The following GLI3 variants were observed in gnomAD, a reference collection of about 807,000 sequenced individuals.
GLI3 encodes the protein GLI family zinc finger 3.
A neutral mutation model predicts 100.8 loss-of-function variants in GLI3; 20 were observed. The ratio of observed to expected loss-of-function variants is 0.20; its 90% CI spans 0.14 to 0.29. The LOEUF is 0.29. Among genes scored for constraint, GLI3 ranks in the 10% least tolerant of loss-of-function variants. GLI3 has a pLI of 1.00. For missense variants in GLI3, 2,040 were observed against 2,128.5 expected, an observed-to-expected ratio of 0.96 and a Z score of 0.82; for synonymous variants, 938 against 860.5, an observed-to-expected ratio of 1.09 and a Z score of -1.58.
In GLI3 at chr7:42,092,016, G is replaced by A. The variant is rs565097896; in HGVS notation, c.368-15159C>T. Among the ~76,000 whole-genome samples the A allele has an allele frequency of 9.3e-4, 141 of 152,358 alleles. 1 individual carries two copies. The highest frequency in any genetic ancestry group is 3.2e-3 in the African/African-American group (134 of 41,594). ...CTGGGCCTCGAAACCCTCTGCCTGGGAAGCAGGGCCAGTGGCGGCCCAGGC... is the reference window on the plus strand; with the variant it reads ...CTGGGCCTCGAAACCCTCTGCCTGGAAAGCAGGGCCAGTGGCGGCCCAGGC... On this transcript the variant is annotated intron_variant, in intron 3 of 14. Coordinates refer to ENST00000395925, the MANE Select transcript of GLI3 (RefSeq NM_000168.6).
chr7:42,083,634 CATGAT>C (rs1472266247), intron 3 of GLI3, among the ~76,000 whole-genome samples: 8 of 151,996 alleles, frequency 5.3e-5, no homozygotes, highest in African/African-American at 1.9e-4. Context: ...TCCAGTGTAC[CATGAT>C]AAAGTAATTT....
intron 2 of GLI3, among the ~76,000 whole-genome samples, chr7:42,156,646 T>A (rs1787011150): frequency 1.3e-5 from 2 of 152,192 alleles, no homozygotes; most frequent in Non-Finnish European, 2.9e-5. Context: ...TGCTGCCACC[T>A]GGCTGCATCC....
At chr7:42,111,782 A>G (rs1785713218) in intron 3 of GLI3, among the ~76,000 whole-genome samples, 1 of 152,200 alleles carries the variant, frequency 6.6e-6, no homozygotes, top group African/African-American at 2.4e-5. Context: ...GAAAAGGAGC[A>G]CAGAAACCAG....
intron 2 of GLI3, among the ~76,000 whole-genome samples, chr7:42,174,538 G>T (rs1343738209): frequency 3.9e-5 from 6 of 152,120 alleles, no homozygotes; most frequent in Non-Finnish European, 1.5e-5. Flanking sequence ...TAACCAGCTG[G>T]TTAGAGTTGA....
chr7:42,099,121 C>T (rs988156968), intron 3 of GLI3, among the ~76,000 whole-genome samples: 3 of 152,164 alleles, frequency 2.0e-5, no homozygotes, highest in Non-Finnish European at 2.9e-5. Flanking sequence ...CTTCATGCTC[C>T]GCCCTCTTCC....
intron 2 of GLI3, among the ~76,000 whole-genome samples, chr7:42,205,361 T>C (rs1788128221): frequency 6.6e-6 from 1 of 152,146 alleles, no homozygotes; most frequent in African/African-American, 2.4e-5. Context: ...AGAGCTCCAA[T>C]ATTCCTTTGG....
chr7:42,262,225 TTTCCTTC>T (rs1789151669), intron 1 of GLI3, among the ~76,000 whole-genome samples: 2,560 of 118,766 alleles, frequency 0.022, 125 homozygotes, highest in African/African-American at 0.082. Flanking sequence ...TCCTTCCTTC[TTTCCTTC>T]CTTCCTTCCT....
At chr7:42,093,742 A>G (rs1054112084) in intron 3 of GLI3, among the ~76,000 whole-genome samples, 1 of 152,192 alleles carries the variant, frequency 6.6e-6, no homozygotes, top group Non-Finnish European at 1.5e-5. Context: ...ACAAATTTAC[A>G]AAAGGAAAAA....
chr7:42,175,221 T>C (rs919579208), intron 2 of GLI3, among the ~76,000 whole-genome samples: 6 of 152,166 alleles, frequency 3.9e-5, no homozygotes, highest in Non-Finnish European at 7.4e-5. Context: ...ATGAATAAAG[T>C]ACACTGGGCC....
intron 3 of GLI3, among the ~76,000 whole-genome samples, chr7:42,133,912 T>A (rs1478057449): frequency 6.6e-6 from 1 of 151,884 alleles, no homozygotes; most frequent in Non-Finnish European, 1.5e-5. Flanking sequence ...TGAAACACCG[T>A]ATCTACTATA....
chr7:42,221,500 A>T (rs1158254351), intron 2 of GLI3, among the ~76,000 whole-genome samples: 2 of 151,910 alleles, frequency 1.3e-5, no homozygotes, highest in Non-Finnish European at 2.9e-5. Flanking sequence ...ACACCTACAC[A>T]CTCACGCATA....
intron 4 of GLI3, among the ~76,000 whole-genome samples, chr7:42,059,233 T>C (rs767136997): frequency 6.6e-6 from 1 of 152,066 alleles, no homozygotes; most frequent in Non-Finnish European, 1.5e-5. Context: ...TATTAAATTA[T>C]TATTTTAGCA....
At chr7:42,098,301 C>T (rs1785385676) in intron 3 of GLI3, among the ~76,000 whole-genome samples, 2 of 152,126 alleles carry the variant, frequency 1.3e-5, no homozygotes, top group African/African-American at 4.8e-5. Flanking sequence ...GTGTAATGTA[C>T]TAAAAACTGA....
chr7:42,154,347 G>C (rs1005596864), intron 2 of GLI3, among the ~76,000 whole-genome samples: 1 of 152,094 alleles, frequency 6.6e-6, no homozygotes, highest in Non-Finnish European at 1.5e-5. Context: ...TCCAGGACTC[G>C]GCCAGGGGCT....
intron 2 of GLI3, among the ~76,000 whole-genome samples, chr7:42,219,541 T>G (rs1043204174): frequency 6.6e-6 from 1 of 152,152 alleles, no homozygotes; most frequent in African/African-American, 2.4e-5. Flanking sequence ...GAACTGTACC[T>G]TTTGGTTGTG....
chr7:42,079,919 A>G (rs1784964636), intron 3 of GLI3, among the ~76,000 whole-genome samples: 1 of 152,218 alleles, frequency 6.6e-6, no homozygotes, highest in Non-Finnish European at 1.5e-5. Context: ...AGTAACAGTC[A>G]CAATCTTTTA....
At chr7:42,237,313 CCT>C (rs202223632), upstream of GLI3, among the ~76,000 whole-genome samples, 1,834 of 152,010 alleles carry the variant, frequency 0.012, 23 homozygotes, top group Non-Finnish European at 0.019. Flanking sequence ...ACTCACAAGC[CCT>C]GAGTGACAGT....
chr7:42,114,029 A>G (rs1785784195), intron 3 of GLI3, among the ~76,000 whole-genome samples: 1 of 152,218 alleles, frequency 6.6e-6, no homozygotes, highest in African/African-American at 2.4e-5. Flanking sequence ...CTGTTGGGAC[A>G]TGATCCCCAG....
At chr7:42,043,732 C>A (rs1784189067) in intron 6 of GLI3, among the ~76,000 whole-genome samples, 1 of 152,146 alleles carries the variant, frequency 6.6e-6, no homozygotes, top group Non-Finnish European at 1.5e-5. Flanking sequence ...TAGCTTCATC[C>A]TTTATTTAGA....
Sources: gnomAD v4.1 joint callset for allele counts (sites outside exome capture counted in the v4.1 genomes callset) on GRCh38, gnomAD v4.1.1 for gene constraint, MANE v1.5 for transcripts, NCBI Gene and HGNC (gene_info 2026-07-23, HGNC 2026-07-21) for gene names.